KCNT2: variants seen among roughly 807,000 people sequenced by gnomAD.
The protein encoded by KCNT2 is potassium channel subfamily T member 2.
A neutral mutation model predicts 153.8 loss-of-function variants in KCNT2; 67 were observed. That is an observed-to-expected ratio of 0.44 (90% CI 0.36 to 0.53). The LOEUF (loss-of-function observed/expected upper bound fraction) is 0.53, where lower values mean the gene tolerates loss of function less well. Among genes scored for constraint, KCNT2 ranks in the 20% least tolerant of loss-of-function variants. The probability of loss-of-function intolerance (pLI) is 0.00; values close to 1 mark genes in which losing one functional copy is unlikely to be tolerated. For synonymous variants in KCNT2, 500 were observed against 458.8 expected (o/e 1.09, Z -1.15); for missense variants, 975 against 1,354.8 (o/e 0.72, Z 4.40).
intron 25 of KCNT2, among the ~76,000 whole-genome samples, chr1:196,277,563 C>T (rs1428421598): frequency 1.3e-5 from 2 of 152,110 alleles, no homozygotes; most frequent in African/African-American, 4.8e-5. Context: ...CTGACAGCAG[C>T]AAAGCTTTCT....
chr1:196,342,321 G>A, intron 14 of KCNT2, 93 bp from the exon 15 acceptor site: 1 of 1,088,950 alleles, frequency 9.2e-7, no homozygotes, highest in Non-Finnish European at 1.3e-6. Flanking sequence ...TTTCTCAACT[G>A]TGTAAGAACT....
chr1:196,502,046 G>GT (rs1281665936), intron 1 of KCNT2, among the ~76,000 whole-genome samples: 2 of 152,138 alleles, frequency 1.3e-5, no homozygotes, highest in Non-Finnish European at 2.9e-5. Flanking sequence ...GAACCCTGGA[G>GT]TCAGAGGTTG....
In KCNT2 at chr1:196,378,719, CAATAT is replaced by C. The variant is rs1208298137; in HGVS notation, c.1295-5476_1295-5472del. ...TATGTAAGTAATATATATGAAACAGCAATATAATATATAATAATTTAATATATAAT... is the reference window on the plus strand; with the variant it reads ...TATGTAAGTAATATATATGAAACAGCAATATATAATAATTTAATATATAAT... On this transcript the variant is annotated intron_variant, in intron 13 of 27. Transcript: ENST00000294725. Among the ~76,000 whole-genome samples the C allele has an allele frequency of 3.7e-4, 54 of 146,108 alleles. 1 individual carries two copies. In the Admixed American group the frequency reaches 3.7e-3, roughly 10 times the overall value.
chr1:196,505,320 G>A (rs981292610), intron 1 of KCNT2, among the ~76,000 whole-genome samples: 28 of 152,064 alleles, frequency 1.8e-4, no homozygotes, highest in South Asian at 4.1e-4. Flanking sequence ...CAGTTTTCCC[G>A]GCACCATTTA....
At chr1:196,301,794 C>T (rs950426326) in intron 22 of KCNT2, among the ~76,000 whole-genome samples, 1 of 152,102 alleles carries the variant, frequency 6.6e-6, no homozygotes. Flanking sequence ...GGCTGGAGTG[C>T]AATGGCACAA....
At chr1:196,277,288 A>G (rs1419814453) in intron 25 of KCNT2, among the ~76,000 whole-genome samples, 2 of 152,004 alleles carry the variant, frequency 1.3e-5, no homozygotes, top group African/African-American at 4.8e-5. Flanking sequence ...GATTCTTTTT[A>G]TTGCTGCATT....
chr1:196,605,551 G>A (rs1265343090), intron 1 of KCNT2, among the ~76,000 whole-genome samples: 4 of 152,198 alleles, frequency 2.6e-5, no homozygotes, highest in African/African-American at 4.8e-5. Context: ...GGTGTTCAAA[G>A]AAAGTTGCTT....
intron 1 of KCNT2, among the ~76,000 whole-genome samples, chr1:196,558,935 A>G (rs10754193): frequency 0.84 from 127,276 of 151,430 alleles, 57,661 homozygotes; most frequent in Non-Finnish European, 1. Context: ...AACAAGTAAT[A>G]TCTTAATAAA....
rs1658959404 is a variant in KCNT2, at chr1:196,558,395, G to GT, written c.95+49819dup. Among the ~76,000 whole-genome samples the GT allele has an allele frequency of 2.6e-5, 4 of 151,660 alleles. No individual in the cohort carries two copies. The South Asian group carries it at 8.3e-4, about 32-fold the overall frequency. ...TCTAAAATAACGTGTGTGTGTGTGTGTGTGTGTGGTTTTTTGTTTCTTTTG... is the reference window on the plus strand; with the variant it reads ...TCTAAAATAACGTGTGTGTGTGTGTGTTGTGTGTGGTTTTTTGTTTCTTTTG... On this transcript the variant is annotated intron_variant, in intron 1 of 27. Coordinates refer to ENST00000294725, the MANE Select transcript of KCNT2 (RefSeq NM_198503.5).
chr1:196,580,575 A>T (rs999616320), intron 1 of KCNT2, among the ~76,000 whole-genome samples: 1 of 152,162 alleles, frequency 6.6e-6, no homozygotes, highest in Non-Finnish European at 1.5e-5. Context: ...AAGACAGTTG[A>T]ATAAGAAAAT....
chr1:196,307,997 C>A (rs887139399), intron 21 of KCNT2, among the ~76,000 whole-genome samples: 4 of 151,960 alleles, frequency 2.6e-5, no homozygotes, highest in Admixed American at 6.6e-5. Flanking sequence ...AGACAAAATT[C>A]CATCATCTGG....
chr1:196,596,105 A>G (rs1664057627), intron 1 of KCNT2, among the ~76,000 whole-genome samples: 1 of 130,596 alleles, frequency 7.7e-6, no homozygotes, highest in Admixed American at 7.2e-5. Context: ...TATATATCAC[A>G]TTTTCTTTAT....
rs973882343 is a variant in KCNT2, at chr1:196,226,388, T to C, written c.*1836A>G. On this transcript the variant is annotated 3_prime_UTR_variant, in exon 28 of 28. Coordinates refer to ENST00000294725, the MANE Select transcript of KCNT2 (RefSeq NM_198503.5). The stretch of plus-strand genomic sequence containing the variant: ...TGCCTTCAGTTTTTAACAATTTATA[T>C]GTGAATGTGTGTGTCAAATATATTT... The C allele has an allele frequency of 6.6e-6, 1 of 152,050 alleles. No individual in the cohort carries two copies. Among genetic ancestry groups the C allele is most frequent in the East Asian group, 1.9e-4 (1 of 5,208 alleles). The allele number at this position is 152,050 out of a possible 1,614,324, so 9.4% of individuals were successfully genotyped here.
chr1:196,340,377 A>C lies in KCNT2; in HGVS notation c.1747T>G (p.Ser583Ala), dbSNP rs776159749. ...NVSRSFYHGP[S>A]RLPVHSIIAS... is the part of the protein sequence containing the mutation. ...ATTATGCTATGTACAGGTAATCTGG[A>C]AGGTCCATGATAAAACGACCTGGAC... The change falls in exon 16 of 28, where the codon TCC becomes GCC. Residue 583 changes from serine to alanine, a missense_variant. Around this residue, in one of 6 missense-constraint regions of KCNT2, gnomAD observed 325 missense variants for 388.1 expected, o/e 0.84. Coordinates refer to ENST00000294725, the MANE Select transcript of KCNT2 (RefSeq NM_198503.5). 6.2e-7 allele frequency: 1 copy of C among 1,610,902 alleles called. No homozygotes were observed. The highest frequency in any genetic ancestry group is 1.1e-5 in the South Asian group (1 of 90,638).
intron 25 of KCNT2, among the ~76,000 whole-genome samples, chr1:196,263,676 T>C (rs770305318): frequency 6.6e-6 from 1 of 151,988 alleles, no homozygotes; most frequent in African/African-American, 2.4e-5. Flanking sequence ...TATGTCCAAG[T>C]GAAAAAAATA....
At chr1:196,334,765 C>T (rs1261709212) in intron 16 of KCNT2, among the ~76,000 whole-genome samples, 3 of 151,878 alleles carry the variant, frequency 2.0e-5, no homozygotes, top group Non-Finnish European at 4.4e-5. Context: ...AAGATGAAAC[C>T]TGTATGTAGC....
chr1:196,229,572 G>A (rs748414435), intron 27 of KCNT2, among the ~76,000 whole-genome samples: 10 of 152,164 alleles, frequency 6.6e-5, no homozygotes, highest in Non-Finnish European at 1.2e-4. Context: ...TAAATCAAAA[G>A]CTAGAAATGA....
chr1:196,268,148 C>T (rs1383288484), intron 25 of KCNT2, among the ~76,000 whole-genome samples: 1 of 152,166 alleles, frequency 6.6e-6, no homozygotes, highest in African/African-American at 2.4e-5. Flanking sequence ...TCTACAGACT[C>T]TTGGGTCACT....
intron 22 of KCNT2, among the ~76,000 whole-genome samples, chr1:196,288,990 G>A (rs1156391920): frequency 6.6e-6 from 1 of 152,058 alleles, no homozygotes; most frequent in Non-Finnish European, 1.5e-5. Flanking sequence ...TTTTATAACT[G>A]TGAATTGGGA....
Sources: allele counts gnomAD v4.1 joint callset (sites outside exome capture counted in the v4.1 genomes callset), GRCh38; gene constraint gnomAD v4.1.1; regional missense constraint gnomAD v4.1.1; transcripts MANE v1.5; gene names NCBI Gene and HGNC (gene_info 2026-07-23, HGNC 2026-07-21).